DPYD: variants seen among roughly 807,000 people sequenced by gnomAD.
DPYD encodes dihydropyrimidine dehydrogenase [NADP(+)].
Under a neutral mutation model 116.2 loss-of-function variants are expected in DPYD, and 109 were observed. The observed-to-expected ratio is 0.94, with a 90% CI of 0.80 to 1.10. The LOEUF (loss-of-function observed/expected upper bound fraction) is 1.10. Among genes scored for constraint, DPYD ranks in the 50% least tolerant of loss-of-function variants. The probability of loss-of-function intolerance (pLI) is 0.00; values close to 1 mark genes in which losing one functional copy is unlikely to be tolerated. For synonymous variants in DPYD, 440 were observed against 432.0 expected (o/e 1.02, Z -0.23); for missense variants, 1,302 against 1,254.5 (o/e 1.04, Z -0.57).
At chr1:97,674,582 G>A (rs1287700838) in intron 8 of DPYD, among the ~76,000 whole-genome samples, 7 of 151,488 alleles carry the variant, frequency 4.6e-5, no homozygotes, top group Non-Finnish European at 8.8e-5. Flanking sequence ...AAACAAAGAC[G>A]AAGGGTCCAT....
At chr1:97,171,509 G>A (rs983898923) in intron 20 of DPYD, among the ~76,000 whole-genome samples, 1 of 152,174 alleles carries the variant, frequency 6.6e-6, no homozygotes, top group Non-Finnish European at 1.5e-5. Context: ...GTAGGCAAGT[G>A]CGGAGGTTTT....
chr1:97,579,304 T>C (rs1296065650), intron 10 of DPYD, among the ~76,000 whole-genome samples: 1 of 152,208 alleles, frequency 6.6e-6, no homozygotes, highest in Non-Finnish European at 1.5e-5. Flanking sequence ...AAGGACAAAT[T>C]ATTATGAAAA....
intron 7 of DPYD, 145 bp from the exon 8 acceptor site, chr1:97,679,327 A>G (rs985360182): frequency 1.1e-5 from 6 of 540,666 alleles, no homozygotes; most frequent in Non-Finnish European, 6.7e-6. Flanking sequence ...CTTTTAGTAT[A>G]TAGGTTTACA....
In DPYD at chr1:97,382,496, G is replaced by C. The variant is rs370640829; in HGVS notation, c.1906-35C>G. 6.7e-6 allele frequency: 9 copies of C among 1,342,242 alleles called. No individual in the cohort carries two copies. In the African/African-American group the frequency reaches 1.3e-4, roughly 19 times the overall value. 83.1% of individuals were successfully genotyped at this position (1,342,242 alleles called of 1,614,324 possible). ...GAAAAACAAAAGAATATAAGTTCAA[G>C]TAGTTATCCAGTTGTACACAAAGAT... On this transcript the variant is annotated intron_variant, in intron 14 of 22. Transcript: ENST00000370192.
At chr1:97,559,029 C>T (rs1018526272) in intron 11 of DPYD, among the ~76,000 whole-genome samples, 5 of 152,092 alleles carry the variant, frequency 3.3e-5, no homozygotes, top group Admixed American at 3.3e-4. Flanking sequence ...CTGCAAACTG[C>T]TTGAAGGAAT....
intron 16 of DPYD, among the ~76,000 whole-genome samples, chr1:97,357,306 AT>A (rs1374679777): frequency 6.7e-6 from 1 of 149,048 alleles, no homozygotes; most frequent in Non-Finnish European, 1.5e-5. Flanking sequence ...AACATCATTG[AT>A]TTTTGTTTAT....
chr1:97,164,241 A>C (rs1190317850), intron 20 of DPYD, among the ~76,000 whole-genome samples: 1 of 152,192 alleles, frequency 6.6e-6, no homozygotes, highest in East Asian at 1.9e-4. Flanking sequence ...TTATGTTTAA[A>C]ACTCTCAATA....
chr1:97,466,519 T>C (rs1200462660), intron 13 of DPYD, among the ~76,000 whole-genome samples: 4 of 151,944 alleles, frequency 2.6e-5, no homozygotes, highest in African/African-American at 4.8e-5. Flanking sequence ...GGTGTCAAGA[T>C]TGATAAAAGC....
chr1:97,376,420 T>C (rs1044408520), intron 15 of DPYD, among the ~76,000 whole-genome samples: 1 of 152,216 alleles, frequency 6.6e-6, no homozygotes, highest in African/African-American at 2.4e-5. Context: ...CCCAACATTA[T>C]ACACATATAC....
intron 8 of DPYD, among the ~76,000 whole-genome samples, chr1:97,654,189 T>A (rs1259490378): frequency 6.6e-6 from 1 of 152,198 alleles, no homozygotes; most frequent in African/African-American, 2.4e-5. Context: ...CCTGCTTCCA[T>A]AACGCATTTG....
chr1:97,408,134 C>A (rs562759873), intron 14 of DPYD, among the ~76,000 whole-genome samples: 9 of 152,148 alleles, frequency 5.9e-5, no homozygotes, highest in Admixed American at 2.6e-4. Context: ...CCAGGCTGGA[C>A]TATAAATGGC....
At chr1:97,276,877 A>C (rs1557992600) in intron 18 of DPYD, among the ~76,000 whole-genome samples, 1 of 152,192 alleles carries the variant, frequency 6.6e-6, no homozygotes, top group Non-Finnish European at 1.5e-5. Context: ...AAGGGAAATA[A>C]ATTGTTCTAC....
rs150191122 is a variant in DPYD, at chr1:97,469,212, C to A, written c.1741-18989G>T. ...TGATAGCACTAGATATAATTATTTT[C>A]AAATTTAGGTGAGGGTTACACAAAC... On this transcript the variant is annotated intron_variant, in intron 13 of 22. Coordinates refer to ENST00000370192, the MANE Select transcript of DPYD (RefSeq NM_000110.4). Among the ~76,000 whole-genome samples, 35 of 151,812 alleles carry A rather than the reference C, an allele frequency of 2.3e-4. No homozygotes were observed. In the East Asian group the frequency reaches 4.7e-3, roughly 20 times the overall value.
intron 4 of DPYD, among the ~76,000 whole-genome samples, chr1:97,734,207 C>T (rs532895676): frequency 2.0e-5 from 3 of 151,752 alleles, no homozygotes; most frequent in South Asian, 2.1e-4. Flanking sequence ...TAGGTTAGTC[C>T]ACCTGAAAAG....
chr1:97,324,569 C>T (rs1338068962), intron 16 of DPYD, among the ~76,000 whole-genome samples: 2 of 152,022 alleles, frequency 1.3e-5, no homozygotes. Flanking sequence ...GTGGAAATTA[C>T]AAGAGTAAGG....
intron 10 of DPYD, among the ~76,000 whole-genome samples, chr1:97,592,317 C>G (rs2102249232): frequency 6.6e-6 from 1 of 152,146 alleles, no homozygotes; most frequent in East Asian, 1.9e-4. Context: ...GATACCTCAC[C>G]CAAGACTACT....
rs551104142 is a variant in DPYD, at chr1:97,159,839, A to C, written c.2622+33230T>G. On this transcript the variant is annotated intron_variant, in intron 20 of 22. Coordinates refer to ENST00000370192, the MANE Select transcript of DPYD (RefSeq NM_000110.4). ...ATTAAAGGAATAAATTTATCCATTA[A>C]ATAACAAAACAGACATATGATTATT... is the stretch of plus-strand genomic sequence containing the variant. 5.9e-5 allele frequency among the ~76,000 whole-genome samples: 9 copies of C among 152,132 alleles called. No individual in the cohort carries two copies. The South Asian group carries it at 1.9e-3, about 32-fold the overall frequency.
At chr1:97,439,966 T>A (rs1675674973) in intron 14 of DPYD, among the ~76,000 whole-genome samples, 1 of 151,798 alleles carries the variant, frequency 6.6e-6, no homozygotes, top group Non-Finnish European at 1.5e-5. Context: ...TTTTCTTTGA[T>A]CCAAGGGTTA....
chr1:97,398,281 A>C (rs1343927728), intron 14 of DPYD, among the ~76,000 whole-genome samples: 4 of 152,072 alleles, frequency 2.6e-5, no homozygotes, highest in Admixed American at 6.6e-5. Flanking sequence ...GGAACTCATT[A>C]TTTTTTATGG....
Sources: allele counts gnomAD v4.1 joint callset (sites outside exome capture counted in the v4.1 genomes callset), GRCh38; gene constraint gnomAD v4.1.1; transcripts MANE v1.5; gene names NCBI Gene and HGNC (gene_info 2026-07-23, HGNC 2026-07-21).